The following PTPRN2 variants were observed in gnomAD, a reference collection of about 807,000 sequenced individuals.
PTPRN2 encodes receptor-type tyrosine-protein phosphatase N2.
In PTPRN2, 74 loss-of-function variants were observed where a neutral mutation model predicts 118.8. That is an observed-to-expected ratio of 0.62 (90% CI 0.52 to 0.76). The LOEUF (loss-of-function observed/expected upper bound fraction) is 0.76, where lower values mean the gene tolerates loss of function less well. Among genes scored for constraint, PTPRN2 ranks in the 30% least tolerant of loss-of-function variants. PTPRN2 has a pLI of 0.00. For missense variants in PTPRN2, 1,481 were observed against 1,394.4 expected (o/e 1.06, Z -0.99); for synonymous variants, 641 against 608.0 (o/e 1.05, Z -0.80).
chr7:157,602,601 C>G (rs924932608), intron 16 of PTPRN2, among the ~76,000 whole-genome samples: 8 of 152,084 alleles, frequency 5.3e-5, no homozygotes. Flanking sequence ...CCGCTGAGAC[C>G]AGCAGAGCTG....
At position 158,523,704 on chromosome 7, in the gene PTPRN2, CGTCTGCCCTGGAGTGGA is replaced by C. The variant is rs1563393370; in HGVS notation, c.113-33936_113-33920del. 7.3e-4 allele frequency among the ~76,000 whole-genome samples: 79 copies of C among 108,776 alleles called. 3 individuals carry two copies. Among genetic ancestry groups the C allele is most frequent in the Non-Finnish European group, 1.0e-3 (54 of 51,776 alleles). The allele number at this position is 108,776 out of a possible 152,430, so 71.4% of individuals were successfully genotyped here. On this transcript the variant is annotated intron_variant, in intron 1 of 22. Transcript: ENST00000389418. ...GGAGTCGTCTGCCCTGGAGTGGAGT[CGTCTGCCCTGGAGTGGA>C]GTCTGCCCTGGAGTGGAGTCGTCTG...
At chr7:157,755,464 G>A (rs1050912554) in intron 12 of PTPRN2, among the ~76,000 whole-genome samples, 3 of 151,488 alleles carry the variant, frequency 2.0e-5, no homozygotes, top group African/African-American at 7.3e-5. Context: ...GTGTCTTCAC[G>A]GGGGGGTTTG....
At chr7:157,683,059 T>C (rs1419787701) in intron 12 of PTPRN2, 122 bp from the exon 13 acceptor site, 8 of 861,478 alleles carry the variant, frequency 9.3e-6, no homozygotes, top group Non-Finnish European at 1.3e-5. Context: ...GTGCTGGCCC[T>C]GGAGCCACAA....
At chr7:158,473,740 A>G (rs1461681323) in intron 2 of PTPRN2, among the ~76,000 whole-genome samples, 1 of 152,180 alleles carries the variant, frequency 6.6e-6, no homozygotes, top group Non-Finnish European at 1.5e-5. Context: ...CAGCCATCCA[A>G]CTGTCTAACA....
intron 11 of PTPRN2, among the ~76,000 whole-genome samples, chr7:158,032,687 T>C (rs1250315030): frequency 1.3e-5 from 2 of 151,992 alleles, no homozygotes; most frequent in African/African-American, 4.8e-5. Flanking sequence ...TAAAATGGCT[T>C]AGACCTAAAA....
intron 12 of PTPRN2, among the ~76,000 whole-genome samples, chr7:157,853,054 T>C (rs374534797): frequency 1.3e-5 from 2 of 152,112 alleles, no homozygotes; most frequent in African/African-American, 2.4e-5. Flanking sequence ...GGATGGTCTC[T>C]GGGGCCGTCC....
intron 6 of PTPRN2, among the ~76,000 whole-genome samples, chr7:158,155,513 A>G (rs1821649470): frequency 6.6e-6 from 1 of 151,206 alleles, no homozygotes; most frequent in African/African-American, 2.4e-5. Flanking sequence ...CACCAATGCC[A>G]TCATCACCAT....
At position 157,861,643 on chromosome 7, in the gene PTPRN2, G is replaced by A. The variant is rs1444059953; in HGVS notation, c.1788+37030C>T. ...GGGCTTGAAACAGTGGATGCCTGCAGTCTCACAGGCTGGGTTTGGAGACCT... is the reference window on the plus strand; with the variant it reads ...GGGCTTGAAACAGTGGATGCCTGCAATCTCACAGGCTGGGTTTGGAGACCT... On this transcript the variant is annotated intron_variant, in intron 12 of 22. Transcript: ENST00000389418. The surrounding 1 kb of genome is among the most constrained non-coding windows in gnomAD (Gnocchi z 5.8). 2.6e-5 allele frequency among the ~76,000 whole-genome samples: 4 copies of A among 152,354 alleles called. No homozygotes were observed. The highest frequency in any genetic ancestry group is 9.6e-5 in the African/African-American group (4 of 41,588).
At chr7:158,453,608 T>TGTGGG (rs1818242894) in intron 2 of PTPRN2, among the ~76,000 whole-genome samples, 1 of 151,794 alleles carries the variant, frequency 6.6e-6, no homozygotes, top group Non-Finnish European at 1.5e-5. Context: ...CTGTTGCCCC[T>TGTGGG]GGGTGAGCTC....
chr7:158,357,899 G>A (rs536127906), intron 2 of PTPRN2, among the ~76,000 whole-genome samples: 5 of 152,358 alleles, frequency 3.3e-5, no homozygotes, highest in Admixed American at 6.5e-5. Flanking sequence ...GAGGGCCCCG[G>A]CCAAGCCAAG....
chr7:157,767,856 G>T (rs780712332), intron 12 of PTPRN2, among the ~76,000 whole-genome samples: 102 of 152,072 alleles, frequency 6.7e-4, no homozygotes, highest in Non-Finnish European at 1.3e-3. Context: ...GCTATTTTTT[G>T]TTTGTTTGTT....
intron 13 of PTPRN2, among the ~76,000 whole-genome samples, chr7:157,665,829 T>C (rs1479581954): frequency 2.0e-5 from 3 of 152,208 alleles, no homozygotes; most frequent in Non-Finnish European, 4.4e-5. Context: ...TTCATGTTCT[T>C]TGCAGGGACA....
intron 11 of PTPRN2, among the ~76,000 whole-genome samples, chr7:158,071,989 T>TCGTGGTGGTGGAGGTTCC (rs1811920607): frequency 9.6e-6 from 1 of 104,212 alleles, no homozygotes; most frequent in Non-Finnish European, 1.9e-5. Context: ...GTGGAGGTGC[T>TCGTGGTGGTGGAGGTTCC]CGTGGTGGTG....
chr7:158,569,737 A>C (rs1827883121), intron 1 of PTPRN2, among the ~76,000 whole-genome samples: 1 of 107,320 alleles, frequency 9.3e-6, no homozygotes, highest in Non-Finnish European at 1.8e-5. Flanking sequence ...GACTGACAGG[A>C]ACGCGGGGCG....
rs188008853 is a variant in PTPRN2, at chr7:157,982,637, G to A, written c.1724-83900C>T. On this transcript the variant is annotated intron_variant, in intron 11 of 22. Coordinates refer to ENST00000389418, the MANE Select transcript of PTPRN2 (RefSeq NM_002847.5). ...CCCCTAAACCCCGAGTCACAGAGAC[G>A]AGGAGGGGGATGCAGAGTGCAGAGT... Among the ~76,000 whole-genome samples the A allele has an allele frequency of 2.3e-3, 333 of 143,426 alleles. 3 individuals carry two copies. Among genetic ancestry groups the A allele is most frequent in the African/African-American group, 6.9e-3 (265 of 38,428 alleles). 94.1% of individuals were successfully genotyped at this position (143,426 alleles called of 152,430 possible).
intron 2 of PTPRN2, among the ~76,000 whole-genome samples, chr7:158,418,077 T>G (rs1450307734): frequency 1.4e-5 from 1 of 73,322 alleles, no homozygotes; most frequent in African/African-American, 5.3e-5. Flanking sequence ...TGCTCTAGCT[T>G]TCAGTGTCCC....
intron 2 of PTPRN2, among the ~76,000 whole-genome samples, chr7:158,365,043 C>G (rs1219809106): frequency 2.6e-5 from 4 of 152,174 alleles, no homozygotes; most frequent in Non-Finnish European, 4.4e-5. Flanking sequence ...CACACACGTT[C>G]TCACCCTAAA....
intron 1 of PTPRN2, among the ~76,000 whole-genome samples, chr7:158,530,941 T>C (rs1825180174): frequency 6.6e-6 from 1 of 151,844 alleles, no homozygotes; most frequent in African/African-American, 2.4e-5. Flanking sequence ...AACATACACG[T>C]GTGTGTGTGT....
intron 11 of PTPRN2, among the ~76,000 whole-genome samples, chr7:158,038,566 C>T (rs1212356227): frequency 6.6e-6 from 1 of 151,714 alleles, no homozygotes; most frequent in Non-Finnish European, 1.5e-5. Context: ...ATTTTTATAA[C>T]ATATATAATG....
Sources: allele counts gnomAD v4.1 joint callset (sites outside exome capture counted in the v4.1 genomes callset), GRCh38; gene constraint gnomAD v4.1.1; non-coding constraint Gnocchi (gnomAD v3.1); transcripts MANE v1.5; gene names NCBI Gene and HGNC (gene_info 2026-07-23, HGNC 2026-07-21).